Variants in XPO4 observed in about 807,000 individuals in gnomAD.
The protein encoded by XPO4 is exportin 4, also known as exportin-4.
In XPO4, 39 loss-of-function variants were observed where a neutral mutation model predicts 143.0. That is an observed-to-expected ratio of 0.27 (90% CI 0.21 to 0.36). The LOEUF is 0.36. Ranked by LOEUF, XPO4 falls within the 10% of genes least tolerant of loss-of-function variation. XPO4 has a pLI of 1.00. For missense variants in XPO4, 907 were observed against 1,348.0 expected (o/e 0.67, Z 5.12); for synonymous variants, 439 against 474.0 (o/e 0.93, Z 0.96).
intron 22 of XPO4, among the ~76,000 whole-genome samples, chr13:20,784,248 T>C (rs146846954): frequency 2.8e-4 from 43 of 152,296 alleles, no homozygotes; most frequent in African/African-American, 9.6e-4. Flanking sequence ...TAATCAACTT[T>C]GTTGTGCTGC....
chr13:20,830,636 A>AAAAAACATG lies in XPO4; in HGVS notation c.728-3466_728-3458dup, dbSNP rs1478800509. Among the ~76,000 whole-genome samples the AAAAAACATG allele has an allele frequency of 2.4e-4, 37 of 152,332 alleles. No individual in the cohort carries two copies. In the South Asian group the frequency reaches 4.8e-3, roughly 20 times the overall value. On this transcript the variant is annotated intron_variant, in intron 6 of 22. Transcript: ENST00000255305. ...TAATTATTCCCAAAAGCATTTAAAT[A>AAAAAACATG]AAAAACATGAAACAAAAAGAACAGT...
chr13:20,809,279 G>C, intron 10 of XPO4, 54 bp from the exon 11 acceptor site: 1 of 1,577,376 alleles, frequency 6.3e-7, no homozygotes. Flanking sequence ...TATTCAACGT[G>C]CACTTCTGTG....
intron 1 of XPO4, among the ~76,000 whole-genome samples, chr13:20,896,432 T>C (rs2060570174): frequency 6.6e-6 from 1 of 152,218 alleles, no homozygotes; most frequent in Non-Finnish European, 1.5e-5. Flanking sequence ...CTGTATCATG[T>C]TCTTCACAAA....
intron 9 of XPO4, among the ~76,000 whole-genome samples, chr13:20,817,694 T>C (rs2059667103): frequency 6.6e-6 from 1 of 152,254 alleles, no homozygotes; most frequent in African/African-American, 2.4e-5. Context: ...TATACAGTTC[T>C]AGTCATATTC....
intron 1 of XPO4, among the ~76,000 whole-genome samples, chr13:20,882,222 T>C (rs1003712511): frequency 6.6e-6 from 1 of 152,016 alleles, no homozygotes; most frequent in Non-Finnish European, 1.5e-5. Flanking sequence ...GATAGTCCCT[T>C]CACATTACTA....
At chr13:20,865,974 C>G in intron 2 of XPO4, 1 of 939,022 alleles carries the variant, frequency 1.1e-6, no homozygotes. Context: ...TTTGTTTTGG[C>G]ACTTGTGAGA....
intron 13 of XPO4, among the ~76,000 whole-genome samples, chr13:20,802,633 C>T (rs1566568284): frequency 6.6e-6 from 1 of 152,084 alleles, no homozygotes. Flanking sequence ...TATTCTGATA[C>T]CCACTATCAC....
At chr13:20,801,062 A>G (rs1002986457) in intron 13 of XPO4, 72 bp from the exon 14 acceptor site, 4 of 1,559,092 alleles carry the variant, frequency 2.6e-6, no homozygotes, top group Non-Finnish European at 1.7e-6. Context: ...TTTTTTCCTT[A>G]AAAGTCCTTT....
intron 1 of XPO4, among the ~76,000 whole-genome samples, chr13:20,892,806 C>T (rs1566630795): frequency 6.6e-6 from 1 of 151,908 alleles, no homozygotes; most frequent in Non-Finnish European, 1.5e-5. Context: ...ATCGCTTCAG[C>T]CCAGGAGTTT....
chr13:20,844,312 C>A (rs922277694), intron 4 of XPO4, among the ~76,000 whole-genome samples: 23 of 152,260 alleles, frequency 1.5e-4, no homozygotes, highest in African/African-American at 4.6e-4. Context: ...CCATGTTTGA[C>A]CCCGTTCTGT....
chr13:20,819,450 A>G (rs1392082281), intron 9 of XPO4, among the ~76,000 whole-genome samples: 2 of 152,110 alleles, frequency 1.3e-5, no homozygotes, highest in African/African-American at 4.8e-5. Flanking sequence ...CTGCGAGGTC[A>G]GGAGTTTGAG....
At chr13:20,864,873 TAA>T (rs80164979) in intron 2 of XPO4, among the ~76,000 whole-genome samples, 6 of 119,198 alleles carry the variant, frequency 5.0e-5, no homozygotes, top group Non-Finnish European at 3.7e-5. Flanking sequence ...AATGGAGGAA[TAA>T]AAAAAAAAAA....
chr13:20,815,529 A>G (rs1384966664), intron 9 of XPO4, among the ~76,000 whole-genome samples: 1 of 152,210 alleles, frequency 6.6e-6, no homozygotes, highest in African/African-American at 2.4e-5. Flanking sequence ...TACTGTAAAA[A>G]TATGAGCTAA....
At chr13:20,850,800 T>C (rs2060077245) in intron 4 of XPO4, 1 of 985,232 alleles carries the variant, frequency 1.0e-6, no homozygotes, top group Non-Finnish European at 1.2e-6. Context: ...ACCAATATGC[T>C]TCAAAAGCGA....
chr13:20,838,792 G>A (rs1792867580), intron 6 of XPO4, among the ~76,000 whole-genome samples: 2 of 151,838 alleles, frequency 1.3e-5, no homozygotes, highest in Non-Finnish European at 1.5e-5. Context: ...ATAAATGAAT[G>A]CTCACAGCAG....
chr13:20,884,997 CTT>C (rs1249079610), intron 1 of XPO4, among the ~76,000 whole-genome samples: 2 of 152,070 alleles, frequency 1.3e-5, no homozygotes, highest in Non-Finnish European at 2.9e-5. Flanking sequence ...GAGTTTCCCT[CTT>C]GTTGCCCAGG....
At chr13:20,835,986 ACTTT>A (rs1459822972) in intron 6 of XPO4, among the ~76,000 whole-genome samples, 3 of 152,300 alleles carry the variant, frequency 2.0e-5, no homozygotes, top group South Asian at 2.1e-4. Flanking sequence ...TCTCTAACTT[ACTTT>A]AAGAATATAT....
chr13:20,788,523 T>C lies in XPO4; in HGVS notation c.3010A>G (p.Lys1004Glu), dbSNP rs779456084. 5 of 1,613,234 alleles carry C rather than the reference T, an allele frequency of 3.1e-6. No homozygotes were observed. The highest frequency in any genetic ancestry group is 3.4e-6 in the Non-Finnish European group (4 of 1,179,682). ...KIPQLPEDLF[K>E]SLMYSLELGM... ...AATTCTAGGGAGTACATCAGACTTTTAAACAGATCCTCAGGAAGCTGTGGT... is the reference window on the plus strand; with the variant it reads ...AATTCTAGGGAGTACATCAGACTTTCAAACAGATCCTCAGGAAGCTGTGGT... The change falls in exon 20 of 23, where the codon AAA becomes GAA. Residue 1004 changes from lysine (K) to glutamate (E), a missense_variant. By Grantham distance (56) the Lys-to-Glu change is moderately conservative. Coordinates refer to ENST00000255305, the MANE Select transcript of XPO4 (RefSeq NM_022459.5).
intron 4 of XPO4, among the ~76,000 whole-genome samples, chr13:20,844,356 A>C (rs61954189): frequency 1.3e-5 from 2 of 152,184 alleles, no homozygotes; most frequent in African/African-American, 4.8e-5. Context: ...ATGAAAAGTG[A>C]AACAGATTTT....
Sources: gnomAD v4.1 joint callset for allele counts (sites outside exome capture counted in the v4.1 genomes callset) on GRCh38, gnomAD v4.1.1 for gene constraint, MANE v1.5 for transcripts, NCBI Gene and HGNC (gene_info 2026-07-23, HGNC 2026-07-21) for gene names.